PRKG1: variants seen among roughly 807,000 people sequenced by gnomAD.
PRKG1 encodes the protein cGMP-dependent protein kinase 1.
A neutral mutation model predicts 88.1 loss-of-function variants in PRKG1; 35 were observed. The observed-to-expected ratio is 0.40, with a 90% CI of 0.30 to 0.53. The LOEUF (loss-of-function observed/expected upper bound fraction) is 0.53. PRKG1 is among the 20% of genes least tolerant of loss of function. PRKG1 has a pLI of 0.59. For missense variants in PRKG1, 540 were observed against 839.8 expected (o/e 0.64, Z 4.41); for synonymous variants, 303 against 292.5 (o/e 1.04, Z -0.37).
At chr10:52,231,656 G>A (rs1242526803) in intron 9 of PRKG1, among the ~76,000 whole-genome samples, 1 of 152,076 alleles carries the variant, frequency 6.6e-6, no homozygotes, top group African/African-American at 2.4e-5. Flanking sequence ...ACTCTAGACT[G>A]TTGGATTTAA....
chr10:52,071,964 C>T (rs556711731), intron 7 of PRKG1, among the ~76,000 whole-genome samples: 25 of 152,134 alleles, frequency 1.6e-4, no homozygotes, highest in Middle Eastern at 3.4e-3. Context: ...ATTTATACTG[C>T]GTGTGCCTTT....
intron 2 of PRKG1, among the ~76,000 whole-genome samples, chr10:51,376,179 C>G (rs1051908802): frequency 1.3e-5 from 2 of 152,120 alleles, no homozygotes; most frequent in African/African-American, 4.8e-5. Flanking sequence ...AACAATGGAC[C>G]AATAAAAGCA....
intron 7 of PRKG1, among the ~76,000 whole-genome samples, chr10:52,088,405 GA>G (rs1310581695): frequency 6.6e-6 from 1 of 151,568 alleles, no homozygotes; most frequent in Non-Finnish European, 1.5e-5. Flanking sequence ...AGACTTTCTT[GA>G]TGGGTGCTAT....
chr10:51,720,978 G>A (rs1337306987), intron 3 of PRKG1, among the ~76,000 whole-genome samples: 1 of 151,944 alleles, frequency 6.6e-6, no homozygotes, highest in African/African-American at 2.4e-5. Context: ...AGGCAGAGGT[G>A]GGAGGATCTC....
At chr10:51,776,599 C>A (rs2132554792) in intron 3 of PRKG1, among the ~76,000 whole-genome samples, 1 of 152,180 alleles carries the variant, frequency 6.6e-6, no homozygotes, top group East Asian at 1.9e-4. Flanking sequence ...CCAAGGTGGG[C>A]AGATCACTTG....
intron 3 of PRKG1, among the ~76,000 whole-genome samples, chr10:51,758,977 G>T (rs1837946063): frequency 6.6e-6 from 1 of 151,766 alleles, no homozygotes. Context: ...TTAGTTTGCT[G>T]AGAATTATGG....
intron 3 of PRKG1, among the ~76,000 whole-genome samples, chr10:51,651,792 C>T (rs141899489): frequency 0.027 from 4,157 of 152,024 alleles, 133 homozygotes; most frequent in African/African-American, 0.083. Context: ...CCATGTTGGC[C>T]GGAATTGTCT....
intron 2 of PRKG1, among the ~76,000 whole-genome samples, chr10:51,417,430 T>C (rs1225142131): frequency 1.3e-5 from 2 of 152,190 alleles, no homozygotes; most frequent in East Asian, 1.9e-4. Flanking sequence ...TTTAATAATA[T>C]GCGCAAGGGA....
rs182275867 is a variant in PRKG1, at chr10:51,304,803, G to A, written c.478+151473G>A. On this transcript the variant is annotated intron_variant, in intron 2 of 17. Transcript: ENST00000373980. ...CCAATTTCATCCATGTCCCTACAAA[G>A]GACATGAAATCATCATTTTTTATGG... 3.3e-5 allele frequency among the ~76,000 whole-genome samples: 5 copies of A among 151,858 alleles called. No individual in the cohort carries two copies. In the East Asian group the frequency reaches 9.7e-4, roughly 29 times the overall value.
chr10:52,092,293 C>A (rs1564465530), intron 7 of PRKG1, among the ~76,000 whole-genome samples: 1 of 152,134 alleles, frequency 6.6e-6, no homozygotes, highest in Admixed American at 6.5e-5. Context: ...TACCGACATA[C>A]ACTAAATTTT....
intron 3 of PRKG1, among the ~76,000 whole-genome samples, chr10:51,786,336 C>A (rs1481068434): frequency 6.6e-6 from 1 of 151,960 alleles, no homozygotes; most frequent in Non-Finnish European, 1.5e-5. Flanking sequence ...TAAAGAGTAT[C>A]TTGATTTTGG....
intron 7 of PRKG1, among the ~76,000 whole-genome samples, chr10:52,132,630 T>A (rs1006199035): frequency 6.6e-6 from 1 of 152,130 alleles, no homozygotes; most frequent in Non-Finnish European, 1.5e-5. Context: ...TGTTTTTTGG[T>A]TTATAGACTG....
At chr10:51,714,273 C>T (rs1036097174) in intron 3 of PRKG1, among the ~76,000 whole-genome samples, 6 of 152,134 alleles carry the variant, frequency 3.9e-5, no homozygotes, top group East Asian at 1.9e-4. Flanking sequence ...CCACTGCTCC[C>T]GGCCTATTGC....
chr10:52,065,259 A>G (rs558256924), intron 7 of PRKG1, among the ~76,000 whole-genome samples: 4 of 152,298 alleles, frequency 2.6e-5, no homozygotes, highest in Admixed American at 2.6e-4. Flanking sequence ...ATGTATATAC[A>G]CTACTTGAAT....
intron 3 of PRKG1, among the ~76,000 whole-genome samples, chr10:51,468,515 G>T (rs138124234): frequency 0.011 from 1,648 of 151,752 alleles, 15 homozygotes; most frequent in Non-Finnish European, 0.015. Context: ...GAAGGAAAAA[G>T]ATTTTTTTAA....
intron 3 of PRKG1, among the ~76,000 whole-genome samples, chr10:51,764,895 C>G (rs1174380874): frequency 1.3e-5 from 2 of 152,158 alleles, no homozygotes; most frequent in African/African-American, 4.8e-5. Flanking sequence ...TAGACCCTTT[C>G]ATCTTGTGTG....
chr10:52,239,250 G>A (rs185419485), intron 9 of PRKG1, among the ~76,000 whole-genome samples: 28,404 of 129,590 alleles, frequency 0.22, 3,277 homozygotes, highest in Non-Finnish European at 0.27. Context: ...GCAGCGCACC[G>A]GCATGGCACA....
At chr10:51,617,969 T>G (rs560127228) in intron 3 of PRKG1, among the ~76,000 whole-genome samples, 1 of 152,354 alleles carries the variant, frequency 6.6e-6, no homozygotes, top group African/African-American at 2.4e-5. Context: ...AGGATAATCA[T>G]TCTGGATGTT....
chr10:51,018,390 T>C (rs1488206349), intron 1 of PRKG1, among the ~76,000 whole-genome samples: 1 of 152,176 alleles, frequency 6.6e-6, no homozygotes, highest in East Asian at 1.9e-4. Flanking sequence ...CCTTGTCTGT[T>C]CTTAAGATTG....
Sources: allele counts gnomAD v4.1 joint callset (sites outside exome capture counted in the v4.1 genomes callset), GRCh38; gene constraint gnomAD v4.1.1; transcripts MANE v1.5; gene names NCBI Gene and HGNC (gene_info 2026-07-23, HGNC 2026-07-21).